Variants in COPA observed in about 807,000 individuals in gnomAD.
COPA encodes the protein coat protein complex I subunit alpha.
A neutral mutation model predicts 158.7 loss-of-function variants in COPA; 10 were observed. That is an observed-to-expected ratio of 0.06 (90% CI 0.04 to 0.11). The LOEUF (loss-of-function observed/expected upper bound fraction) is 0.11. COPA is among the 10% of genes least tolerant of loss of function. The pLI, the probability that COPA is intolerant of heterozygous loss-of-function variation, is 1.00. For missense variants in COPA, 1,065 were observed against 1,536.7 expected, an observed-to-expected ratio of 0.69 and a Z score of 5.13; for synonymous variants, 462 against 542.8, an observed-to-expected ratio of 0.85 and a Z score of 2.07.
chr1:160,290,151 G>A lies in COPA; in HGVS notation c.*6C>T, dbSNP rs770155815. 7.4e-6 allele frequency: 12 copies of A among 1,614,030 alleles called. No individual in the cohort carries two copies. The highest frequency in any genetic ancestry group is 9.3e-6 in the Non-Finnish European group (11 of 1,179,934). ...TGGTGACTGACCCATGCACACAAAGGGGGCCTTAGCGAAACTGCAGAGGAC... is the reference window on the plus strand; with the variant it reads ...TGGTGACTGACCCATGCACACAAAGAGGGCCTTAGCGAAACTGCAGAGGAC... On this transcript the variant is annotated 3_prime_UTR_variant, in exon 33 of 33. Transcript: ENST00000241704.
In COPA at chr1:160,297,395, T is replaced by C. The variant is rs756897477; in HGVS notation, c.2211A>G (p.Leu737=). ...KDMSGHYQNA[L]YLGDVSERVR... ...CACGCTCTGACACATCACCCAGGTA[T>C]AGGGCATTCTGATAGTGGCCACTCA... is the stretch of plus-strand genomic sequence containing the variant. The change falls in exon 21 of 33, where the codon CTA becomes CTG. Residue 737 remains leucine (L), a synonymous_variant. Transcript: ENST00000241704. The C allele has an allele frequency of 6.8e-6, 11 of 1,614,080 alleles. No homozygotes were observed. The highest frequency in any genetic ancestry group is 5.3e-5 in the African/African-American group (4 of 74,908).
At chr1:160,337,620 G>A (rs1647837402) in intron 3 of COPA, among the ~76,000 whole-genome samples, 1 of 152,138 alleles carries the variant, frequency 6.6e-6, no homozygotes, top group Non-Finnish European at 1.5e-5. Context: ...TCGGGAGGCT[G>A]AGGCAGGAGA....
At chr1:160,317,831 T>C in intron 8 of COPA, 2 of 714,380 alleles carry the variant, frequency 2.8e-6, no homozygotes, top group Middle Eastern at 4.1e-4. Context: ...CATCTGGTAA[T>C]CTGAATTCTA....
At chr1:160,302,950 A>G (rs1436027271) in intron 17 of COPA, among the ~76,000 whole-genome samples, 1 of 151,776 alleles carries the variant, frequency 6.6e-6, no homozygotes, top group Non-Finnish European at 1.5e-5. Context: ...ATGTGGGAGG[A>G]TGGCTTGAGG....
chr1:160,296,199 T>C, intron 21 of COPA, 50 bp from the exon 22 acceptor site: 1 of 1,523,844 alleles, frequency 6.6e-7, no homozygotes, highest in Non-Finnish European at 9.1e-7. Context: ...AAATGCATGC[T>C]GCTGTGGTAA....
intron 13 of COPA, 59 bp downstream of exon 13, chr1:160,309,042 G>T: frequency 7.3e-7 from 1 of 1,361,752 alleles, no homozygotes; most frequent in African/African-American, 1.4e-5. Context: ...TTGAAGAGGA[G>T]TTATGATGCG....
At chr1:160,322,987 G>C (rs1442183255) in intron 8 of COPA, among the ~76,000 whole-genome samples, 1 of 134,214 alleles carries the variant, frequency 7.5e-6, no homozygotes, top group African/African-American at 3.6e-5. Flanking sequence ...ATACGCGCAC[G>C]TGCACACACA....
At position 160,288,826 on chromosome 1, in the gene COPA, T is replaced by TG. The variant is rs1006706373; in HGVS notation, c.*1330dup. Among the ~76,000 whole-genome samples, 2 of 152,202 alleles carry TG rather than the reference T, an allele frequency of 1.3e-5. No homozygotes were observed. The highest frequency in any genetic ancestry group is 4.8e-5 in the African/African-American group (2 of 41,440). ...AATATCTAGAACAGTGACAGTCACATGGCAGGTGCTCAATAAATATTGCTA... is the reference window on the plus strand; with the variant it reads ...AATATCTAGAACAGTGACAGTCACATGGGCAGGTGCTCAATAAATATTGCTA... On this transcript the variant is annotated 3_prime_UTR_variant, in exon 33 of 33. Coordinates refer to ENST00000241704, the MANE Select transcript of COPA (RefSeq NM_004371.4).
At chr1:160,319,850 C>T (rs1471853111) in intron 8 of COPA, among the ~76,000 whole-genome samples, 2 of 107,036 alleles carry the variant, frequency 1.9e-5, no homozygotes, top group Non-Finnish European at 3.8e-5. Flanking sequence ...TACAATGTAA[C>T]AAAATTTATG....
chr1:160,296,893 T>C (rs1658436400), intron 21 of COPA, among the ~76,000 whole-genome samples: 1 of 152,190 alleles, frequency 6.6e-6, no homozygotes, highest in East Asian at 1.9e-4. Context: ...TAATAGCGCC[T>C]TGGTCCAAAC....
At position 160,343,184 on chromosome 1, in the gene COPA, G is replaced by C; in HGVS notation, c.-14C>G. On this transcript the variant is annotated 5_prime_UTR_variant, in exon 1 of 33. Coordinates refer to ENST00000241704, the MANE Select transcript of COPA (RefSeq NM_004371.4). Reference sequence around the variant, plus strand: ...TTTGGTTAACATCTCTCAGGTCTCCGACTCCGATGTCTTAATCCGAGCCCC... The same window carrying C: ...TTTGGTTAACATCTCTCAGGTCTCCCACTCCGATGTCTTAATCCGAGCCCC... 6.2e-7 allele frequency: 1 copy of C among 1,614,054 alleles called. No individual in the cohort carries two copies. Among genetic ancestry groups the C allele is most frequent in the Non-Finnish European group, 8.5e-7 (1 of 1,180,008 alleles).
Position 160,324,157 on chromosome 1 carries a change from G to A in COPA, c.607-627C>T, listed in dbSNP as rs960432202. ...ATTACAGGCGTGAGCCACTGCGCCC[G>A]CCCGAAAACTTTTATAACTTAATGC... On this transcript the variant is annotated intron_variant, in intron 7 of 32. Transcript: ENST00000241704. Among the ~76,000 whole-genome samples the A allele has an allele frequency of 9.2e-5, 14 of 151,864 alleles. No homozygotes were observed. The East Asian group carries it at 1.4e-3, about 15-fold the overall frequency.
intron 8 of COPA, among the ~76,000 whole-genome samples, chr1:160,316,897 C>T (rs780446728): frequency 6.6e-6 from 1 of 152,104 alleles, no homozygotes; most frequent in Non-Finnish European, 1.5e-5. Flanking sequence ...GAACACCAAA[C>T]AGGTCCAACC....
chr1:160,341,131 G>C (rs776842106), intron 1 of COPA, among the ~76,000 whole-genome samples: 7 of 152,196 alleles, frequency 4.6e-5, no homozygotes, highest in Non-Finnish European at 8.8e-5. Flanking sequence ...AGTTAAGGTG[G>C]GAAGGTAAAT....
rs1408347332 is a variant in COPA at position 160,323,432 on chromosome 1, A to G, written c.705T>C (p.Asn235=). The G allele has an allele frequency of 3.1e-6, 5 of 1,605,786 alleles. No homozygotes were observed. The South Asian group carries it at 4.5e-5, about 14-fold the overall frequency. The change falls in exon 8 of 33, where the codon AAT becomes AAC. Residue 235 remains asparagine (N), a splice_region_variant and synonymous_variant. Transcript: ENST00000241704. ...CGATAATGTAACCGGTTCACTCACC[A>G]TTCATGCGCCAGATCTTCACTTGAC... ...DDRQVKIWRM[N]ESKAWEVDTC...
chr1:160,335,377 C>G, intron 3 of COPA, 55 bp from the exon 4 acceptor site: 1 of 1,433,448 alleles, frequency 7.0e-7, no homozygotes, highest in Non-Finnish European at 9.6e-7. Flanking sequence ...CTCTAAAAGG[C>G]TCAGAGAAAT....
chr1:160,304,643 G>A (rs568256325), intron 17 of COPA, among the ~76,000 whole-genome samples: 2 of 152,046 alleles, frequency 1.3e-5, no homozygotes, highest in African/African-American at 2.4e-5. Context: ...CAGCCTGGGC[G>A]AGACTCCGTT....
chr1:160,299,381 G>A, intron 17 of COPA, 117 bp from the exon 18 acceptor site: 1 of 995,634 alleles, frequency 1.0e-6, no homozygotes, highest in South Asian at 1.8e-5. Context: ...TGATATAGAT[G>A]GGAAGTGATT....
In COPA at chr1:160,323,884, C is replaced by T. The variant is rs566834769; in HGVS notation, c.607-354G>A. On this transcript the variant is annotated intron_variant, in intron 7 of 32. Coordinates refer to ENST00000241704, the MANE Select transcript of COPA (RefSeq NM_004371.4). Reference sequence around the variant, plus strand: ...TTTTTTATTTTTTATTGTTTTTAGACGGAGTCTCGCTCTGTCACCCAGGCT... The same window carrying T: ...TTTTTTATTTTTTATTGTTTTTAGATGGAGTCTCGCTCTGTCACCCAGGCT... Among the ~76,000 whole-genome samples, 84 of 152,188 alleles carry T rather than the reference C, an allele frequency of 5.5e-4. 1 individual carries two copies. Among genetic ancestry groups the T allele is most frequent in the African/African-American group, 1.9e-3 (79 of 41,514 alleles).
Sources: allele counts gnomAD v4.1 joint callset (sites outside exome capture counted in the v4.1 genomes callset), GRCh38; gene constraint gnomAD v4.1.1; transcripts MANE v1.5; gene names NCBI Gene and HGNC (gene_info 2026-07-23, HGNC 2026-07-21).